Variants in DLC1 observed in about 807,000 individuals in gnomAD.
DLC1 encodes rho GTPase-activating protein 7.
A neutral mutation model predicts 140.3 loss-of-function variants in DLC1; 54 were observed. The ratio of observed to expected loss-of-function variants is 0.38; its 90% CI spans 0.31 to 0.48. The LOEUF (loss-of-function observed/expected upper bound fraction) is 0.48, where lower values mean the gene tolerates loss of function less well. Ranked by LOEUF, DLC1 falls within the 20% of genes least tolerant of loss-of-function variation. DLC1 has a pLI of 0.96. For missense variants in DLC1, 2,536 were observed against 1,907.0 expected (o/e 1.33, Z -6.14); for synonymous variants, 986 against 728.1 (o/e 1.35, Z -5.70).
chr8:13,344,796 AG>A (rs1387767744), intron 4 of DLC1, among the ~76,000 whole-genome samples: 1 of 152,230 alleles, frequency 6.6e-6, no homozygotes, highest in Admixed American at 6.5e-5. Flanking sequence ...TCAGAATGAA[AG>A]GAAAGAGAGC....
chr8:13,238,859 C>T (rs1829412902), intron 5 of DLC1, among the ~76,000 whole-genome samples: 1 of 152,102 alleles, frequency 6.6e-6, no homozygotes, highest in Non-Finnish European at 1.5e-5. Flanking sequence ...GTGGGCTTAC[C>T]TGGGAACAAT....
chr8:13,380,506 A>G (rs897831200), intron 4 of DLC1, among the ~76,000 whole-genome samples: 2 of 152,184 alleles, frequency 1.3e-5, no homozygotes, highest in African/African-American at 4.8e-5. Flanking sequence ...TAAGGAACCA[A>G]AGGGTGGTAG....
intron 4 of DLC1, among the ~76,000 whole-genome samples, chr8:13,387,620 AG>A (rs1836580465): frequency 6.6e-6 from 1 of 152,070 alleles, no homozygotes; most frequent in African/African-American, 2.4e-5. Flanking sequence ...GAAATTACTA[AG>A]GGAAAACCTT....
intron 5 of DLC1, among the ~76,000 whole-genome samples, chr8:13,197,581 T>A (rs1415354619): frequency 6.6e-6 from 1 of 151,958 alleles, no homozygotes; most frequent in African/African-American, 2.4e-5. Context: ...CTCCTGACGT[T>A]GTGATCCTCC....
chr8:13,282,430 A>G (rs1831395559), intron 5 of DLC1, among the ~76,000 whole-genome samples: 1 of 152,182 alleles, frequency 6.6e-6, no homozygotes, highest in Admixed American at 6.6e-5. Flanking sequence ...TTTATGTTGT[A>G]ATTTCAAAAG....
At chr8:13,536,645 T>C (rs963121623) in intron 1 of DLC1, among the ~76,000 whole-genome samples, 7 of 152,192 alleles carry the variant, frequency 4.6e-5, no homozygotes, top group Non-Finnish European at 8.8e-5. Context: ...ACTGAGTTAC[T>C]TTCCCCCTGG....
At chr8:13,533,122 G>A (rs148793323) in intron 1 of DLC1, among the ~76,000 whole-genome samples, 2,643 of 151,956 alleles carry the variant, frequency 0.017, 50 homozygotes, top group South Asian at 0.077. Context: ...ATATGCTGGA[G>A]GCCATAAAAC....
intron 4 of DLC1, among the ~76,000 whole-genome samples, chr8:13,344,233 C>T (rs867695921): frequency 1.3e-5 from 2 of 152,198 alleles, no homozygotes; most frequent in South Asian, 2.1e-4. Flanking sequence ...GTGGTTCATA[C>T]CTGTAATCCC....
At chr8:13,132,854 G>C in intron 5 of DLC1, 1 of 1,486,468 alleles carries the variant, frequency 6.7e-7, no homozygotes, top group Non-Finnish European at 9.2e-7. Context: ...GCACCGACTT[G>C]ACAAGGCGGG....
In DLC1 at chr8:13,452,660, C is replaced by A. The variant is rs1799122016; in HGVS notation, c.1023+46389G>T. On this transcript the variant is annotated intron_variant, in intron 2 of 17. Transcript: ENST00000276297. Reference sequence around the variant, plus strand: ...GTCTTAGAATTAAAATATGTTTTTGCTGGTACCTCACATATAGCAAAAATA... The same window carrying A: ...GTCTTAGAATTAAAATATGTTTTTGATGGTACCTCACATATAGCAAAAATA... Among the ~76,000 whole-genome samples, 3 of 152,100 alleles carry A rather than the reference C, an allele frequency of 2.0e-5. 1 individual carries two copies. In the South Asian group the frequency reaches 6.2e-4, roughly 31 times the overall value.
At chr8:13,095,459 G>A (rs1292123352) in intron 10 of DLC1, 1 of 588,896 alleles carries the variant, frequency 1.7e-6, no homozygotes, top group Non-Finnish European at 3.0e-6. Context: ...AGTACCTACT[G>A]TATTGGCCTG....
intron 5 of DLC1, among the ~76,000 whole-genome samples, chr8:13,156,188 A>G (rs967018803): frequency 3.9e-5 from 6 of 152,166 alleles, no homozygotes; most frequent in African/African-American, 1.2e-4. Flanking sequence ...CTTGCTTAAT[A>G]TATTATTAAG....
chr8:13,252,232 A>G (rs1296377805), intron 5 of DLC1, among the ~76,000 whole-genome samples: 4 of 152,204 alleles, frequency 2.6e-5, no homozygotes, highest in African/African-American at 9.6e-5. Context: ...AACTAAGACA[A>G]AGAACAAATA....
At chr8:13,256,977 T>G (rs1004845981) in intron 5 of DLC1, among the ~76,000 whole-genome samples, 1 of 152,050 alleles carries the variant, frequency 6.6e-6, no homozygotes, top group Non-Finnish European at 1.5e-5. Context: ...ATTAGTGTGC[T>G]GAGTGAAGGC....
chr8:13,111,070 T>C (rs1820070226), intron 6 of DLC1, among the ~76,000 whole-genome samples: 2 of 152,178 alleles, frequency 1.3e-5, no homozygotes, highest in Admixed American at 6.5e-5. Context: ...CAAGGAGAAG[T>C]GGTTCAGAAC....
chr8:13,579,515 TA>T (rs1804998990), intron 1 of DLC1, among the ~76,000 whole-genome samples: 1 of 114,676 alleles, frequency 8.7e-6, no homozygotes, highest in African/African-American at 3.5e-5. Flanking sequence ...ATTATATATT[TA>T]ATATATTATA....
chr8:13,149,120 A>G (rs985065270), intron 5 of DLC1, among the ~76,000 whole-genome samples: 2 of 152,080 alleles, frequency 1.3e-5, no homozygotes, highest in Non-Finnish European at 2.9e-5. Context: ...CTGTTTGGAA[A>G]TCTCTCAGCA....
At position 13,569,562 on chromosome 8, in the gene DLC1, C is replaced by T. The variant is rs183843520; in HGVS notation, c.-126+34975G>A. The stretch of plus-strand genomic sequence containing the variant: ...CCTTTAGAATTCCCCCATTAAAGGG[C>T]ATGCTCCACCCTTTTAGTCAACCAA... On this transcript the variant is annotated intron_variant, in intron 1 of 1. Transcript: ENST00000631382. Among the ~76,000 whole-genome samples, 101 of 152,204 alleles carry T rather than the reference C, an allele frequency of 6.6e-4. 1 individual carries two copies. The highest frequency in any genetic ancestry group is 2.0e-3 in the African/African-American group (85 of 41,508).
At chr8:13,114,853 C>A (rs552907048) in intron 6 of DLC1, among the ~76,000 whole-genome samples, 6 of 152,090 alleles carry the variant, frequency 3.9e-5, no homozygotes, top group African/African-American at 1.2e-4. Flanking sequence ...CAATATCAAG[C>A]GTTGAGGGAA....
Sources: gnomAD v4.1 joint callset for allele counts (sites outside exome capture counted in the v4.1 genomes callset) on GRCh38, gnomAD v4.1.1 for gene constraint, MANE v1.5 for transcripts, NCBI Gene and HGNC (gene_info 2026-07-23, HGNC 2026-07-21) for gene names.